Variants in NRDE2 observed in about 807,000 individuals in gnomAD.
NRDE2 encodes NRDE-2, necessary for RNA interference, domain containing.
Under a neutral mutation model 124.2 loss-of-function variants are expected in NRDE2, and 76 were observed. The observed-to-expected ratio is 0.61, with a 90% CI of 0.51 to 0.74. NRDE2 has a LOEUF of 0.74. Among genes scored for constraint, NRDE2 ranks in the 30% least tolerant of loss-of-function variants. The pLI, the probability that NRDE2 is intolerant of heterozygous loss-of-function variation, is 0.00. For synonymous variants in NRDE2, 489 were observed against 528.1 expected, an observed-to-expected ratio of 0.93 and a Z score of 1.01; for missense variants, 1,314 against 1,417.3, an observed-to-expected ratio of 0.93 and a Z score of 1.17.
chr14:90,304,462 ACT>A, intron 4 of NRDE2, 80 bp from the exon 5 acceptor site: 2 of 1,059,278 alleles, frequency 1.9e-6, no homozygotes, highest in Non-Finnish European at 2.7e-6. Context: ...TTAGACCTAA[ACT>A]CTCGTTATGC....
chr14:90,304,373 C>A lies in NRDE2; in HGVS notation c.567G>T (p.Arg189Ser). The A allele has an allele frequency of 6.3e-7, 1 of 1,596,124 alleles. No individual in the cohort carries two copies. The highest frequency in any genetic ancestry group is 8.5e-7 in the Non-Finnish European group (1 of 1,172,416). ...TAATGCCAAGGCAGGAGTCTCCTTT[C>A]CTCTTGTATCTGATATTAGAAAAAG... ...LYRGDIARYK[R>S]KGDSCLGINP... Residue 189 changes from arginine (R) to serine (S), a missense_variant, in exon 5 of 14, where the codon AGG becomes AGT. Transcript: ENST00000354366.
In NRDE2 at chr14:90,268,476, A is replaced by C; in HGVS notation, c.*9860T>G. 4 of 1,517,306 alleles carry C rather than the reference A, an allele frequency of 2.6e-6. No homozygotes were observed. The highest frequency in any genetic ancestry group is 3.6e-6 in the Non-Finnish European group (4 of 1,103,370). 94.0% of individuals were successfully genotyped at this position (1,517,306 alleles called of 1,614,324 possible). On this transcript the variant is annotated 3_prime_UTR_variant, in exon 14 of 14. Transcript: ENST00000354366. ...GGAACACCGCATAGCTCTTCTCTTGAGAATGAGCAATCTCAGGGGGCTCTC... is the reference window on the plus strand; with the variant it reads ...GGAACACCGCATAGCTCTTCTCTTGCGAATGAGCAATCTCAGGGGGCTCTC...
chr14:90,288,779 C>T lies in NRDE2; in HGVS notation c.2596G>A (p.Val866Met). 6.2e-7 allele frequency: 1 copy of T among 1,614,116 alleles called. No homozygotes were observed. The highest frequency in any genetic ancestry group is 1.1e-5 in the South Asian group (1 of 91,080). ...SSPYGPYTGQ[V>M]LAVHILKARK... ...GCTTTCAAAATGTGAACAGCCAACA[C>T]CTGTCCAGTGTAGGGCCCATAGGGG... The change falls in exon 11 of 14, where the codon GTG (valine) becomes ATG (methionine). Residue 866 changes from valine (V) to methionine (M), a missense_variant. Val to Met is a conservative substitution (Grantham distance 21). Transcript: ENST00000354366.
chr14:90,313,443 T>A (rs1477760044), intron 3 of NRDE2, among the ~76,000 whole-genome samples: 1 of 152,072 alleles, frequency 6.6e-6, no homozygotes, highest in Non-Finnish European at 1.5e-5. Flanking sequence ...ATTTTTATGG[T>A]CTGGACTCTG....
Position 90,269,621 on chromosome 14 carries a change from C to A in NRDE2, c.*8715G>T. On this transcript the variant is annotated 3_prime_UTR_variant, in exon 14 of 14. Coordinates refer to ENST00000354366, the MANE Select transcript of NRDE2 (RefSeq NM_017970.4). Reference sequence around the variant, plus strand: ...TTGTGTTTAAGTGTGCTTTGGGAGGCCTATAAAATGATACATAAAAAAGCA... The same window carrying A: ...TTGTGTTTAAGTGTGCTTTGGGAGGACTATAAAATGATACATAAAAAAGCA... 2.7e-6 allele frequency: 4 copies of A among 1,495,336 alleles called. No individual in the cohort carries two copies. The highest frequency in any genetic ancestry group is 2.6e-5 in the South Asian group (2 of 77,778). The allele number at this position is 1,495,336 out of a possible 1,614,324, so 92.6% of individuals were successfully genotyped here.
chr14:90,304,718 T>C, intron 4 of NRDE2: 1 of 202,470 alleles, frequency 4.9e-6, no homozygotes, highest in Non-Finnish European at 1.0e-5. Flanking sequence ...CACAGCCATA[T>C]GTGACAGGCA....
At chr14:90,329,601 C>T (rs1479240314) in intron 1 of NRDE2, among the ~76,000 whole-genome samples, 5 of 151,854 alleles carry the variant, frequency 3.3e-5, no homozygotes, top group African/African-American at 1.2e-4. Context: ...CTTTGGGAGG[C>T]CGAGGTGGGC....
intron 10 of NRDE2, 152 bp downstream of exon 10, chr14:90,290,069 G>T: frequency 1.3e-6 from 1 of 775,344 alleles, no homozygotes; most frequent in Non-Finnish European, 2.0e-6. Flanking sequence ...CCCTCAGAAG[G>T]GCAAACACAC....
intron 1 of NRDE2, among the ~76,000 whole-genome samples, chr14:90,328,616 GC>G (rs1363219115): frequency 3.9e-5 from 6 of 152,298 alleles, no homozygotes; most frequent in African/African-American, 1.4e-4. Flanking sequence ...GTTAGACAGG[GC>G]ATCCTCCTGA....
In NRDE2 at chr14:90,331,843, T is replaced by C. The variant is rs757702798; in HGVS notation, c.62A>G (p.Lys21Arg). The C allele has an allele frequency of 1.0e-4, 162 of 1,613,984 alleles. No individual in the cohort carries two copies. Among genetic ancestry groups the C allele is most frequent in the Non-Finnish European group, 1.3e-4 (150 of 1,180,036 alleles). The change falls in exon 1 of 14, where the codon AAA becomes AGA. Residue 21 changes from lysine (K) to arginine (R), a missense_variant and splice_region_variant. By Grantham distance (26) the Lys-to-Arg change is conservative. Transcript: ENST00000354366. ...CTTCGGCTCGTTTGTGTGCTTACCT[T>C]TCCTGGAGCTCCCGCCATCGGGAGC... ...SEAPDGGSSRKELDWLSNPSF... is the reference protein window; with the variant it reads ...SEAPDGGSSRRELDWLSNPSF...
chr14:90,294,670 G>A (rs2139680847), intron 8 of NRDE2, among the ~76,000 whole-genome samples: 1 of 152,236 alleles, frequency 6.6e-6, no homozygotes, highest in Non-Finnish European at 1.5e-5. Flanking sequence ...GACTGCTGGG[G>A]CCTGGGGGGA....
intron 7 of NRDE2, among the ~76,000 whole-genome samples, chr14:90,299,617 G>C (rs1283989267): frequency 2.0e-5 from 3 of 152,146 alleles, no homozygotes; most frequent in Non-Finnish European, 4.4e-5. Flanking sequence ...TGAGCCACAG[G>C]ATTATCTAGC....
intron 6 of NRDE2, among the ~76,000 whole-genome samples, chr14:90,302,090 C>T (rs1397524907): frequency 1.3e-5 from 2 of 152,180 alleles, no homozygotes; most frequent in African/African-American, 2.4e-5. Context: ...TACTGTGCAA[C>T]ACAGTCCTGT....
At chr14:90,308,570 T>A (rs10143036) in intron 4 of NRDE2, among the ~76,000 whole-genome samples, 1 of 152,004 alleles carries the variant, frequency 6.6e-6, no homozygotes, top group Non-Finnish European at 1.5e-5. Flanking sequence ...TATCCCTGCT[T>A]AAGGCCAAAT....
At chr14:90,307,110 T>G (rs917079360) in intron 4 of NRDE2, among the ~76,000 whole-genome samples, 1 of 152,206 alleles carries the variant, frequency 6.6e-6, no homozygotes, top group African/African-American at 2.4e-5. Context: ...ACACTATATG[T>G]GTTTCAGTAT....
chr14:90,289,659 T>C (rs1892214951), intron 10 of NRDE2, among the ~76,000 whole-genome samples: 1 of 152,174 alleles, frequency 6.6e-6, no homozygotes, highest in Middle Eastern at 3.2e-3. Context: ...GCGATCTCAG[T>C]TCACGGCAAC....
rs1214287116 is a variant in NRDE2 at position 90,268,607 on chromosome 14, G to A, written c.*9729C>T. On this transcript the variant is annotated 3_prime_UTR_variant, in exon 14 of 14. Coordinates refer to ENST00000354366, the MANE Select transcript of NRDE2 (RefSeq NM_017970.4). ...CCCAGTAACTGTGAACGTCTGGAGA[G>A]ATTGGTCAGTTATGAATAACCATGT... 1 of 585,102 alleles carries A rather than the reference G, an allele frequency of 1.7e-6. No homozygotes were observed. The highest frequency in any genetic ancestry group is 1.9e-5 in the African/African-American group (1 of 53,050). The allele number at this position is 585,102 out of a possible 1,614,324, so 36.2% of individuals were successfully genotyped here. A position where few individuals can be genotyped will look rare whatever the true frequency, so the allele number is the denominator to read the frequency against.
rs549388992 is a variant in NRDE2 at position 90,272,997 on chromosome 14, T to C, written c.*5339A>G. The C allele has an allele frequency of 6.6e-6, 1 of 152,338 alleles. No individual in the cohort carries two copies. The highest frequency in any genetic ancestry group is 2.1e-4 in the South Asian group (1 of 4,826). 9.4% of individuals were successfully genotyped at this position (152,338 alleles called of 1,614,324 possible). A position where few individuals can be genotyped will look rare whatever the true frequency, so the allele number is the denominator to read the frequency against. On this transcript the variant is annotated 3_prime_UTR_variant, in exon 14 of 14. Coordinates refer to ENST00000354366, the MANE Select transcript of NRDE2 (RefSeq NM_017970.4). This position sits in a 1 kb window ranked among gnomAD's most constrained non-coding sequence, Gnocchi z 4.5. The stretch of plus-strand genomic sequence containing the variant: ...AGACTGAGGATTCCTAGAGATATCT[T>C]GAAAGCCCTTCTGAGCCCTTGGGCT...
At position 90,288,634 on chromosome 14, in the gene NRDE2, T is replaced by A; in HGVS notation, c.2741A>T (p.Gln914Leu). The A allele has an allele frequency of 6.2e-7, 1 of 1,614,144 alleles. No individual in the cohort carries two copies. Residue 914 changes from glutamine (Q) to leucine (L), a missense_variant, in exon 11 of 14, where the codon CAG becomes CTG. Coordinates refer to ENST00000354366, the MANE Select transcript of NRDE2 (RefSeq NM_017970.4). The stretch of plus-strand genomic sequence containing the variant: ...AGCATCAATCCCTATGGTCAAATAC[T>A]GGAAGAGCATGAAGCATTTAGCCAG... ...ISLAKCFMLF[Q>L]YLTIGIDAAV...
Sources: allele counts gnomAD v4.1 joint callset (sites outside exome capture counted in the v4.1 genomes callset), GRCh38; gene constraint gnomAD v4.1.1; non-coding constraint Gnocchi (gnomAD v3.1); transcripts MANE v1.5; gene names NCBI Gene and HGNC (gene_info 2026-07-23, HGNC 2026-07-21).